Variants in RAB38 observed in about 807,000 individuals in gnomAD.
The protein encoded by RAB38 is RAB38, member RAS oncogene family.
A neutral mutation model predicts 18.4 loss-of-function variants in RAB38; 15 were observed. That is an observed-to-expected ratio of 0.82 (90% CI 0.55 to 1.26). The LOEUF is 1.26. Among genes scored for constraint, RAB38 ranks in the 50% most tolerant of loss-of-function variants. The probability of loss-of-function intolerance (pLI) is 0.00; values close to 1 mark genes in which losing one functional copy is unlikely to be tolerated. For missense variants in RAB38, 294 were observed against 267.4 expected, an observed-to-expected ratio of 1.10 and a Z score of -0.69; for synonymous variants, 101 against 104.4, an observed-to-expected ratio of 0.97 and a Z score of 0.20.
the RAB38 span, among the ~76,000 whole-genome samples, chr11:87,953,000 AAAATT>A: frequency 6.6e-6 from 1 of 152,206 alleles, no homozygotes; most frequent in Admixed American, 6.6e-5. Flanking sequence ...TTAAAACATT[AAAATT>A]AAAATTTTAA....
At chr11:87,953,146 A>ATTCTAGGAC in the RAB38 span, among the ~76,000 whole-genome samples, 2 of 152,334 alleles carry the variant, frequency 1.3e-5, no homozygotes, top group South Asian at 4.1e-4. Context: ...TGTGTTAGAC[A>ATTCTAGGAC]TTCTAGGACT....
At chr11:87,953,301 T>C in the RAB38 span, among the ~76,000 whole-genome samples, 1 of 152,144 alleles carries the variant, frequency 6.6e-6, no homozygotes. Context: ...CAAGTAGTGA[T>C]GAATGTATAA....
the RAB38 span, among the ~76,000 whole-genome samples, chr11:87,922,425 TC>T: frequency 6.6e-6 from 1 of 152,050 alleles, no homozygotes; most frequent in Admixed American, 6.6e-5. Context: ...TTTTTGTTTT[TC>T]CTCTGTGGGA....
At chr11:88,102,127 A>G in the RAB38 span, among the ~76,000 whole-genome samples, 3 of 152,060 alleles carry the variant, frequency 2.0e-5, no homozygotes, top group Middle Eastern at 3.2e-3. Context: ...AAGAACCAGG[A>G]TGTATGACTC....
chr11:88,049,194 T>G, the RAB38 span, among the ~76,000 whole-genome samples: 1 of 152,054 alleles, frequency 6.6e-6, no homozygotes, highest in Non-Finnish European at 1.5e-5. Context: ...GCTATTTTAT[T>G]TTTCTTATTA....
chr11:87,932,970 G>T, the RAB38 span, among the ~76,000 whole-genome samples: 3 of 152,052 alleles, frequency 2.0e-5, no homozygotes, highest in African/African-American at 4.8e-5. Context: ...AGAATCCACA[G>T]TCTGCTAAGT....
chr11:88,097,500 A>G, the RAB38 span, among the ~76,000 whole-genome samples: 2 of 151,830 alleles, frequency 1.3e-5, no homozygotes, highest in Non-Finnish European at 2.9e-5. Context: ...AACCCTCCCA[A>G]AACACAGCCA....
chr11:88,119,862 GATA>G (rs1213302247), intron 2 of RAB38, among the ~76,000 whole-genome samples: 1 of 152,056 alleles, frequency 6.6e-6, no homozygotes, highest in Admixed American at 6.5e-5. Context: ...TGGCCTACTG[GATA>G]ATAACACCAC....
the RAB38 span, among the ~76,000 whole-genome samples, chr11:88,081,619 C>T: frequency 1.3e-5 from 2 of 151,896 alleles, no homozygotes; most frequent in Non-Finnish European, 2.9e-5. Flanking sequence ...TAGCCTTCTC[C>T]CCTCTGTGTC....
chr11:87,963,056 A>G, the RAB38 span, among the ~76,000 whole-genome samples: 1 of 152,210 alleles, frequency 6.6e-6, no homozygotes, highest in Non-Finnish European at 1.5e-5. Context: ...CTATTTATGA[A>G]TCACAGTGTT....
At chr11:87,822,745 T>C in the RAB38 span, among the ~76,000 whole-genome samples, 5 of 152,314 alleles carry the variant, frequency 3.3e-5, no homozygotes, top group East Asian at 1.9e-4. Context: ...GTCCAGTCTA[T>C]ATACAAGGGA....
the RAB38 span, among the ~76,000 whole-genome samples, chr11:87,840,386 T>A: frequency 1.3e-5 from 2 of 152,180 alleles, no homozygotes; most frequent in Non-Finnish European, 1.5e-5. Flanking sequence ...GTAACTAATT[T>A]GGCCTCTGGT....
At chr11:87,953,964 TTTGAACA>T in the RAB38 span, among the ~76,000 whole-genome samples, 1 of 152,098 alleles carries the variant, frequency 6.6e-6, no homozygotes, top group Non-Finnish European at 1.5e-5. Context: ...ATCTACAAAA[TTTGAACA>T]TGGAGGAAAG....
intron 1 of RAB38, among the ~76,000 whole-genome samples, chr11:88,160,019 A>T (rs548849521): frequency 2.0e-5 from 3 of 152,158 alleles, no homozygotes. Flanking sequence ...AGCAAAAGAA[A>T]TTATCAACAG....
chr11:87,967,243 A>G, the RAB38 span, among the ~76,000 whole-genome samples: 1 of 152,150 alleles, frequency 6.6e-6, no homozygotes, highest in African/African-American at 2.4e-5. Flanking sequence ...TTATTAAATT[A>G]TTGTAATATT....
At chr11:87,932,159 C>G in the RAB38 span, among the ~76,000 whole-genome samples, 1 of 151,950 alleles carries the variant, frequency 6.6e-6, no homozygotes, top group Non-Finnish European at 1.5e-5. Context: ...AACATTAGGA[C>G]AAATACCTAA....
At chr11:87,857,962 G>A in the RAB38 span, among the ~76,000 whole-genome samples, 1 of 152,116 alleles carries the variant, frequency 6.6e-6, no homozygotes, top group Non-Finnish European at 1.5e-5. Flanking sequence ...GAATGCTATT[G>A]CCTAGGTTTT....
At chr11:88,004,239 T>G in the RAB38 span, among the ~76,000 whole-genome samples, 2,428 of 150,324 alleles carry the variant, frequency 0.016, 68 homozygotes, top group East Asian at 0.13. Context: ...TAAAAAGTCT[T>G]TATTAAAACA....
At chr11:88,030,051 A>C in the RAB38 span, among the ~76,000 whole-genome samples, 7 of 152,188 alleles carry the variant, frequency 4.6e-5, no homozygotes, top group African/African-American at 1.7e-4. Flanking sequence ...AGTGCAATCA[A>C]ACTAGAACTC....
Sources: allele counts gnomAD v4.1 joint callset (sites outside exome capture counted in the v4.1 genomes callset), GRCh38; gene constraint gnomAD v4.1.1; transcripts MANE v1.5; gene names NCBI Gene and HGNC (gene_info 2026-07-23, HGNC 2026-07-21).